The following UCHL3 variants were observed in gnomAD, a reference collection of about 807,000 sequenced individuals.
The protein encoded by UCHL3 is ubiquitin C-terminal hydrolase L3.
UCHL3 carries 22 observed loss-of-function variants against 35.8 expected under a neutral mutation model. That is an observed-to-expected ratio of 0.61 (90% confidence interval 0.44 to 0.88). The LOEUF is 0.88. Among genes scored for constraint, UCHL3 ranks in the 40% least tolerant of loss-of-function variants. The probability of loss-of-function intolerance (pLI) is 0.00; values close to 1 mark genes in which losing one functional copy is unlikely to be tolerated. For missense variants in UCHL3, 229 were observed against 276.9 expected (o/e 0.83, Z 1.23); for synonymous variants, 90 against 92.8 (o/e 0.97, Z 0.17).
chr13:75,570,379 G>A (rs542510579), intron 6 of UCHL3, among the ~76,000 whole-genome samples: 18 of 152,184 alleles, frequency 1.2e-4, no homozygotes, highest in Non-Finnish European at 2.2e-4. Flanking sequence ...GGAACTACAG[G>A]CGCCCGCCAC....
intron 7 of UCHL3, among the ~76,000 whole-genome samples, chr13:75,597,304 T>A (rs2032667261): frequency 6.6e-6 from 1 of 152,004 alleles, no homozygotes; most frequent in Non-Finnish European, 1.5e-5. Context: ...GGCTACAGTG[T>A]GCTATGATTG....
chr13:75,561,844 CGT>C (rs2031522525), intron 3 of UCHL3, among the ~76,000 whole-genome samples: 1 of 145,554 alleles, frequency 6.9e-6, no homozygotes, highest in Non-Finnish European at 1.5e-5. Flanking sequence ...TATACGTATA[CGT>C]ATACATACGT....
At chr13:75,579,071 A>T (rs961527807) in intron 6 of UCHL3, among the ~76,000 whole-genome samples, 11 of 152,128 alleles carry the variant, frequency 7.2e-5, no homozygotes, top group Admixed American at 3.3e-4. Flanking sequence ...ACAAAGAGAT[A>T]ACAGAAATCA....
intron 6 of UCHL3, among the ~76,000 whole-genome samples, chr13:75,588,384 C>A (rs917966188): frequency 6.6e-6 from 1 of 152,066 alleles, no homozygotes; most frequent in African/African-American, 2.4e-5. Context: ...TTGCCTCTTT[C>A]TTCTTCCCCT....
rs116328058 is a variant in UCHL3, at chr13:75,603,350, C to T, written c.551-1419C>T. Among the ~76,000 whole-genome samples the T allele has an allele frequency of 4.1e-3, 627 of 152,164 alleles. 6 individuals are homozygous for T. The highest frequency in any genetic ancestry group is 0.014 in the African/African-American group (599 of 41,524). The stretch of plus-strand genomic sequence containing the variant: ...AAACCAGGAAAATACATATATTAAG[C>T]CAGGTGCTGTTGCATGTGCCTGCAG... On this transcript the variant is annotated intron_variant, in intron 7 of 8. Transcript: ENST00000377595.
rs765238614 is a variant in UCHL3, at chr13:75,566,688, T to G, written c.184-7T>G. ...CAAATACACTGTTGACTTTTTTTTT[T>G]TAATAGTATGAAGTATTCAGAACAG... On this transcript the variant is annotated splice_region_variant and splice_polypyrimidine_tract_variant and intron_variant, in intron 3 of 8. Coordinates refer to ENST00000377595, the MANE Select transcript of UCHL3 (RefSeq NM_006002.5). The G allele has an allele frequency of 6.9e-7, 1 of 1,450,760 alleles. No individual in the cohort carries two copies. The highest frequency in any genetic ancestry group is 9.2e-7 in the Non-Finnish European group (1 of 1,091,510). The allele number at this position is 1,450,760 out of a possible 1,614,324, so 89.9% of individuals were successfully genotyped here.
At position 75,584,248 on chromosome 13, in the gene UCHL3, A is replaced by T. The variant is rs117707698; in HGVS notation, c.475-10667A>T. On this transcript the variant is annotated intron_variant, in intron 6 of 8. Coordinates refer to ENST00000377595, the MANE Select transcript of UCHL3 (RefSeq NM_006002.5). ...AATGCCTCCACAAGCCCACCATTAG[A>T]CTAGCAAGCACCAAGAAACAGGTCT... 8.4e-3 allele frequency among the ~76,000 whole-genome samples: 1,277 copies of T among 152,248 alleles called. 40 individuals are homozygous for T. The highest frequency in any genetic ancestry group is 6.9e-3 in the Non-Finnish European group (469 of 68,008).
intron 7 of UCHL3, among the ~76,000 whole-genome samples, chr13:75,596,763 T>G (rs2032656087): frequency 6.6e-6 from 1 of 152,118 alleles, no homozygotes; most frequent in African/African-American, 2.4e-5. Context: ...CTGTCTTGGC[T>G]CAGAGGCTAA....
At chr13:75,604,968 T>A (rs938069594) in intron 8 of UCHL3, 141 bp downstream of exon 8, 1 of 588,710 alleles carries the variant, frequency 1.7e-6, no homozygotes, top group African/African-American at 1.9e-5. Flanking sequence ...AAAAGAAAAT[T>A]TATATTAGTG....
intron 2 of UCHL3, among the ~76,000 whole-genome samples, chr13:75,555,942 A>G (rs1237819149): frequency 6.6e-6 from 1 of 152,194 alleles, no homozygotes; most frequent in Non-Finnish European, 1.5e-5. Context: ...GACAGGGATC[A>G]TAGTAATTTA....
intron 2 of UCHL3, among the ~76,000 whole-genome samples, chr13:75,551,750 G>A (rs2138443425): frequency 6.6e-6 from 1 of 152,286 alleles, no homozygotes; most frequent in Non-Finnish European, 1.5e-5. Flanking sequence ...TGTGTAAGTA[G>A]GAACTTACGT....
At chr13:75,580,807 CACA>C (rs2032159389) in intron 6 of UCHL3, among the ~76,000 whole-genome samples, 1 of 152,184 alleles carries the variant, frequency 6.6e-6, no homozygotes, top group Non-Finnish European at 1.5e-5. Context: ...TATTCAAGGT[CACA>C]CAGCTAGTAG....
At chr13:75,565,278 A>G (rs1183483893) in intron 3 of UCHL3, among the ~76,000 whole-genome samples, 1 of 152,224 alleles carries the variant, frequency 6.6e-6, no homozygotes, top group East Asian at 1.9e-4. Context: ...TTTTCAGCAT[A>G]AGACCTTAAC....
chr13:75,594,863 G>A, intron 6 of UCHL3, 52 bp from the exon 7 acceptor site: 2 of 1,338,946 alleles, frequency 1.5e-6, no homozygotes, highest in African/African-American at 1.5e-5. Flanking sequence ...ATACATGACT[G>A]ATTTGTTTGA....
At chr13:75,579,042 T>C (rs918881343) in intron 6 of UCHL3, among the ~76,000 whole-genome samples, 2 of 152,166 alleles carry the variant, frequency 1.3e-5, no homozygotes, top group African/African-American at 4.8e-5. Flanking sequence ...TTTTTAGTTA[T>C]TTTTATTATT....
intron 7 of UCHL3, among the ~76,000 whole-genome samples, chr13:75,595,836 TGGA>T (rs1194212239): frequency 6.6e-6 from 1 of 151,794 alleles, no homozygotes; most frequent in African/African-American, 2.4e-5. Context: ...CATGGCATGT[TGGA>T]GGAGATCACA....
chr13:75,549,588 T>G, upstream of UCHL3: 1 of 455,860 alleles, frequency 2.2e-6, no homozygotes, highest in Non-Finnish European at 3.8e-6. Flanking sequence ...AAATAGGAAA[T>G]TGGCTTATTT....
chr13:75,556,757 T>C (rs184645699), intron 2 of UCHL3, among the ~76,000 whole-genome samples: 14 of 152,276 alleles, frequency 9.2e-5, no homozygotes, highest in Admixed American at 8.5e-4. Flanking sequence ...CAGGAGTTCA[T>C]TGTGGCCAAG....
intron 6 of UCHL3, among the ~76,000 whole-genome samples, chr13:75,578,415 T>C (rs1182829252): frequency 6.6e-6 from 1 of 152,126 alleles, no homozygotes; most frequent in Non-Finnish European, 1.5e-5. Flanking sequence ...TGTTAAATAA[T>C]GTGAAGTTGT....
Sources: allele counts gnomAD v4.1 joint callset (sites outside exome capture counted in the v4.1 genomes callset), GRCh38; gene constraint gnomAD v4.1.1; transcripts MANE v1.5; gene names NCBI Gene and HGNC (gene_info 2026-07-23, HGNC 2026-07-21).